ARHGAP12: variants seen among roughly 807,000 people sequenced by gnomAD.
The protein encoded by ARHGAP12 is Rho GTPase activating protein 12.
Under a neutral mutation model 108.6 loss-of-function variants are expected in ARHGAP12, and 64 were observed. The observed-to-expected ratio is 0.59, with a 90% confidence interval of 0.48 to 0.73. The LOEUF is 0.73. Among genes scored for constraint, ARHGAP12 ranks in the 30% least tolerant of loss-of-function variants. The pLI, the probability that ARHGAP12 is intolerant of heterozygous loss-of-function variation, is 0.00. For missense variants in ARHGAP12, 940 were observed against 1,005.9 expected, an observed-to-expected ratio of 0.93 and a Z score of 0.89; for synonymous variants, 312 against 337.2, an observed-to-expected ratio of 0.93 and a Z score of 0.82.
rs1839230893 is a variant in ARHGAP12, at chr10:31,908,588, T to C, written c.268A>G (p.Asn90Asp). 1 of 1,614,070 alleles carries C rather than the reference T, an allele frequency of 6.2e-7. No individual in the cohort carries two copies. The highest frequency in any genetic ancestry group is 1.3e-5 in the African/African-American group (1 of 74,924). ...AAACTCTGCATTATTTTCGTGGAGT[T>C]ATTTGGCAGACCAGCTACCTGCTTA... ...PVKQVAGLPNNSTKIMQSLHL... is the reference protein window; with the variant it reads ...PVKQVAGLPNDSTKIMQSLHL... The change falls in exon 3 of 20, where the codon AAC becomes GAC. Residue 90 changes from asparagine to aspartate, a missense_variant. Coordinates refer to ENST00000344936, the MANE Select transcript of ARHGAP12 (RefSeq NM_018287.7).
chr10:31,887,357 C>T (rs970112733), intron 3 of ARHGAP12, among the ~76,000 whole-genome samples: 1 of 152,108 alleles, frequency 6.6e-6, no homozygotes, highest in African/African-American at 2.4e-5. Context: ...ATATAAAAAG[C>T]ACCTTCATAA....
At chr10:31,811,721 G>C (rs988292875) in intron 15 of ARHGAP12, among the ~76,000 whole-genome samples, 7 of 151,382 alleles carry the variant, frequency 4.6e-5, no homozygotes, top group Admixed American at 1.3e-4. Context: ...CAGGCTGGAG[G>C]ACAGTGGTGC....
chr10:31,819,099 A>G (rs1360645369), intron 12 of ARHGAP12, among the ~76,000 whole-genome samples: 1 of 151,934 alleles, frequency 6.6e-6, no homozygotes, highest in Non-Finnish European at 1.5e-5. Context: ...GAAATAATTG[A>G]CAAATGATAA....
At chr10:31,879,504 A>G (rs1191877478) in intron 3 of ARHGAP12, among the ~76,000 whole-genome samples, 1 of 152,204 alleles carries the variant, frequency 6.6e-6, no homozygotes, top group Non-Finnish European at 1.5e-5. Context: ...TTGAAAATAT[A>G]ATTTTATTAG....
At position 31,805,989 on chromosome 10, in the gene ARHGAP12, G is replaced by GT. The variant is rs1056611534; in HGVS notation, c.*1668dup. 6.6e-6 allele frequency: 1 copy of GT among 152,044 alleles called. No individual in the cohort carries two copies. The highest frequency in any genetic ancestry group is 2.4e-5 in the African/African-American group (1 of 41,390). The allele number at this position is 152,044 out of a possible 1,614,324, so 9.4% of individuals were successfully genotyped here. ...TTCTACCACAAAATTCAGGTGAGAGGTTTTTAGACAGATCATACAAAAAAA... is the reference window on the plus strand; with the variant it reads ...TTCTACCACAAAATTCAGGTGAGAGGTTTTTTAGACAGATCATACAAAAAAA... On this transcript the variant is annotated 3_prime_UTR_variant, in exon 20 of 20. Coordinates refer to ENST00000344936, the MANE Select transcript of ARHGAP12 (RefSeq NM_018287.7).
At chr10:31,897,161 A>G (rs1269410660) in intron 3 of ARHGAP12, among the ~76,000 whole-genome samples, 1 of 152,144 alleles carries the variant, frequency 6.6e-6, no homozygotes, top group Non-Finnish European at 1.5e-5. Context: ...AAGGGGAGGG[A>G]AAAAATAACT....
intron 3 of ARHGAP12, among the ~76,000 whole-genome samples, chr10:31,864,137 G>A (rs529191947): frequency 1.3e-4 from 19 of 151,936 alleles, no homozygotes; most frequent in African/African-American, 4.3e-4. Flanking sequence ...CATAAAATAC[G>A]TAAAAGAAAA....
At chr10:31,856,211 T>G (rs1836880798) in intron 4 of ARHGAP12, among the ~76,000 whole-genome samples, 1 of 151,970 alleles carries the variant, frequency 6.6e-6, no homozygotes, top group East Asian at 1.9e-4. Flanking sequence ...AAAGGTTAAT[T>G]AAGAAATCCT....
At chr10:31,840,118 G>T (rs975201381) in intron 7 of ARHGAP12, among the ~76,000 whole-genome samples, 1 of 151,864 alleles carries the variant, frequency 6.6e-6, no homozygotes, top group Admixed American at 6.6e-5. Context: ...ATTAGGCAAG[G>T]TCACAGAAAT....
intron 6 of ARHGAP12, among the ~76,000 whole-genome samples, chr10:31,851,116 T>C (rs1836662231): frequency 6.6e-6 from 1 of 152,088 alleles, no homozygotes; most frequent in Admixed American, 6.6e-5. Flanking sequence ...ATAATTAAAA[T>C]ATAAAAATTA....
intron 4 of ARHGAP12, 80 bp downstream of exon 4, chr10:31,861,315 A>G (rs1032809873): frequency 1.4e-4 from 205 of 1,496,714 alleles, no homozygotes; most frequent in Admixed American, 1.4e-4. Flanking sequence ...GTAAGAAACA[A>G]AACTATTTAC....
At chr10:31,822,506 T>C (rs1008657769) in intron 11 of ARHGAP12, among the ~76,000 whole-genome samples, 2 of 152,226 alleles carry the variant, frequency 1.3e-5, no homozygotes, top group African/African-American at 4.8e-5. Context: ...AAAGCTCAAC[T>C]TCCAAATAAC....
At chr10:31,829,089 T>G (rs886917167) in intron 10 of ARHGAP12, among the ~76,000 whole-genome samples, 1 of 151,832 alleles carries the variant, frequency 6.6e-6, no homozygotes, top group Non-Finnish European at 1.5e-5. Context: ...GAGGCGGAGG[T>G]TGCAGTGACC....
chr10:31,809,535 C>G, intron 16 of ARHGAP12: 1 of 450,024 alleles, frequency 2.2e-6, no homozygotes. Context: ...CTCTGCTCAT[C>G]ATATAGACTG....
chr10:31,926,352 C>G (rs1469525346), intron 1 of ARHGAP12, among the ~76,000 whole-genome samples: 1 of 150,168 alleles, frequency 6.7e-6, no homozygotes, highest in South Asian at 2.1e-4. Flanking sequence ...AAAAAAAAAC[C>G]ACAAGGATAG....
In ARHGAP12 at chr10:31,908,172, C is replaced by T; in HGVS notation, c.684G>A (p.Arg228=). The change falls in exon 3 of 20, where the codon AGG becomes AGA. Residue 228 remains arginine, a splice_region_variant and synonymous_variant. Transcript: ENST00000344936. ...TTCCTCATTCTATTTTTAATCTTAC[C>T]CTTATCTGTTCAGTGGAGCTGCTGC... The part of the protein sequence containing the change: ...ELSSSSTEQI[R]ATTPPNQGRP... 4 of 1,580,050 alleles carry T rather than the reference C, an allele frequency of 2.5e-6. No homozygotes were observed. Among genetic ancestry groups the T allele is most frequent in the Non-Finnish European group, 3.4e-6 (4 of 1,165,676 alleles).
intron 1 of ARHGAP12, among the ~76,000 whole-genome samples, chr10:31,923,686 A>G (rs1160728970): frequency 6.6e-6 from 1 of 152,244 alleles, no homozygotes; most frequent in East Asian, 1.9e-4. Flanking sequence ...ACCAGAATCC[A>G]TAGTACACGA....
intron 10 of ARHGAP12, 110 bp from the exon 11 acceptor site, chr10:31,826,495 C>T: frequency 3.9e-6 from 3 of 767,918 alleles, no homozygotes; most frequent in Non-Finnish European, 6.2e-6. Context: ...AATTTACAGC[C>T]TTGTTGACAT....
At chr10:31,822,916 AAG>A (rs1165780684) in intron 11 of ARHGAP12, among the ~76,000 whole-genome samples, 1 of 152,114 alleles carries the variant, frequency 6.6e-6, no homozygotes. Context: ...CTACCACGCA[AAG>A]GACAGCCCCA....
Sources: allele counts gnomAD v4.1 joint callset (sites outside exome capture counted in the v4.1 genomes callset), GRCh38; gene constraint gnomAD v4.1.1; transcripts MANE v1.5; gene names NCBI Gene and HGNC (gene_info 2026-07-23, HGNC 2026-07-21).